Variants in SPACA9 observed in about 807,000 individuals in gnomAD.
SPACA9 encodes the protein sperm acrosome associated 9, also known as sperm acrosome-associated protein 9.
In SPACA9, 14 loss-of-function variants were observed where a neutral mutation model predicts 12.5. That is an observed-to-expected ratio of 1.12 (90% confidence interval 0.74 to 1.75). The LOEUF is 1.75. Among genes scored for constraint, SPACA9 ranks in the 40% most tolerant of loss-of-function variants. The pLI is 0.00. For missense variants in SPACA9, 292 were observed against 291.9 expected (o/e 1.00, Z 0.00); for synonymous variants, 111 against 114.1 (o/e 0.97, Z 0.17).
intron 2 of SPACA9, among the ~76,000 whole-genome samples, chr9:132,884,462 C>T (rs1430994063): frequency 6.6e-6 from 1 of 152,176 alleles, no homozygotes; most frequent in Non-Finnish European, 1.5e-5. Context: ...CCAGAGGGAT[C>T]CTGTCCTTCC....
chr9:132,883,519 C>CGT (rs954555580), intron 1 of SPACA9, among the ~76,000 whole-genome samples: 13 of 151,942 alleles, frequency 8.6e-5, no homozygotes, highest in Non-Finnish European at 1.6e-4. Context: ...TACACGCGTG[C>CGT]GTGTGTGTGT....
chr9:132,878,589 A>T (rs373907926), upstream of SPACA9: 1 of 1,104,680 alleles, frequency 9.1e-7, no homozygotes. The surrounding 1 kb of genome is among the most constrained non-coding windows in gnomAD (Gnocchi z 4.7). Flanking sequence ...GACGGGAGGC[A>T]GAACCTGCTT....
chr9:132,883,443 C>G (rs1344421329), intron 1 of SPACA9, among the ~76,000 whole-genome samples: 2 of 152,218 alleles, frequency 1.3e-5, no homozygotes, highest in African/African-American at 4.8e-5. Context: ...GGTTTTATAT[C>G]CTGTGGCATA....
intron 1 of SPACA9, among the ~76,000 whole-genome samples, chr9:132,883,612 A>G (rs150075942): frequency 1.3e-3 from 183 of 142,678 alleles, no homozygotes; most frequent in Non-Finnish European, 2.2e-3. Flanking sequence ...CCACATCTGG[A>G]GAAACAGAAC....
In SPACA9 at chr9:132,889,443, G is replaced by C. The variant is rs1048511342; in HGVS notation, c.*832G>C. On this transcript the variant is annotated 3_prime_UTR_variant, in exon 4 of 4. Transcript: ENST00000356311. ...ATTTTTTGAGATGGAGTTTCACTCTGTCTCCCAGGCTGGAGTGCAGTGGCA... is the reference window on the plus strand; with the variant it reads ...ATTTTTTGAGATGGAGTTTCACTCTCTCTCCCAGGCTGGAGTGCAGTGGCA... The C allele has an allele frequency of 1.0e-6, 1 of 975,788 alleles. No individual in the cohort carries two copies. The highest frequency in any genetic ancestry group is 1.8e-5 in the African/African-American group (1 of 57,114). The allele number at this position is 975,788 out of a possible 1,614,324, so 60.4% of individuals were successfully genotyped here. A position where few individuals can be genotyped will look rare whatever the true frequency, so the allele number is the denominator to read the frequency against.
chr9:132,890,137 A>G (rs932697269), downstream of SPACA9: 56 of 699,642 alleles, frequency 8.0e-5, no homozygotes, highest in Non-Finnish European at 1.1e-4. Flanking sequence ...CAGCAGAGAG[A>G]GAGGCCACCC....
At position 132,887,692 on chromosome 9, in the gene SPACA9, C is replaced by T; in HGVS notation, c.347+121C>T. On this transcript the variant is annotated intron_variant, in intron 3 of 3. Transcript: ENST00000356311. This position sits in a 1 kb window ranked among gnomAD's most constrained non-coding sequence, Gnocchi z 5.4. ...ATTAGACCACCCCGGGCAGGAAATC[C>T]CAGTCTCCACTCATTTATTGGAATG... 1 of 749,804 alleles carries T rather than the reference C, an allele frequency of 1.3e-6. No individual in the cohort carries two copies. The highest frequency in any genetic ancestry group is 2.2e-6 in the Non-Finnish European group (1 of 447,528). 46.4% of individuals were successfully genotyped at this position (749,804 alleles called of 1,614,324 possible). A position where few individuals can be genotyped will look rare whatever the true frequency, so the allele number is the denominator to read the frequency against.
chr9:132,879,842 T>A (rs1041351032), intron 1 of SPACA9, among the ~76,000 whole-genome samples: 1 of 152,240 alleles, frequency 6.6e-6, no homozygotes, highest in African/African-American at 2.4e-5. Context: ...CTAGGGCCAC[T>A]GGTTAGATTG....
At position 132,884,147 on chromosome 9, in the gene SPACA9, C is replaced by T; in HGVS notation, c.144+56C>T. On this transcript the variant is annotated intron_variant, in intron 2 of 3. Transcript: ENST00000356311. The stretch of plus-strand genomic sequence containing the variant: ...GGGCAACAAGCCCAGTCCCCTCTCA[C>T]AAAAGATGAAACCACTGGGGCCCAG... 2.5e-6 allele frequency: 4 copies of T among 1,581,332 alleles called. No individual in the cohort carries two copies. In the Admixed American group the frequency reaches 7.0e-5, roughly 28 times the overall value.
At chr9:132,881,924 C>A (rs1422689576) in intron 1 of SPACA9, among the ~76,000 whole-genome samples, 4 of 152,194 alleles carry the variant, frequency 2.6e-5, no homozygotes, top group African/African-American at 9.6e-5. Context: ...CTGGGTGAGC[C>A]GGACACCACG....
chr9:132,878,426 C>T, upstream of SPACA9: 2 of 1,233,980 alleles, frequency 1.6e-6, no homozygotes, highest in Admixed American at 4.3e-5. The surrounding 1 kb of genome is among the most constrained non-coding windows in gnomAD (Gnocchi z 4.7). Context: ...CTGACGCGCT[C>T]TGCGGCTCGG....
Position 132,888,152 on chromosome 9 carries a change from A to C in SPACA9, c.348-138A>C. On this transcript the variant is annotated intron_variant, in intron 3 of 3. Coordinates refer to ENST00000356311, the MANE Select transcript of SPACA9 (RefSeq NM_001316897.2). This position sits in a 1 kb window ranked among gnomAD's most constrained non-coding sequence, Gnocchi z 5.0. ...CTGGTCTGCCAGAATCTCTGGGGACAGAGCGCCTCAGCGTGCTGTGTGTCC... is the reference window on the plus strand; with the variant it reads ...CTGGTCTGCCAGAATCTCTGGGGACCGAGCGCCTCAGCGTGCTGTGTGTCC... The C allele has an allele frequency of 1.4e-6, 2 of 1,384,770 alleles. No individual in the cohort carries two copies. The highest frequency in any genetic ancestry group is 2.9e-5 in the South Asian group (2 of 68,042). The allele number at this position is 1,384,770 out of a possible 1,614,324, so 85.8% of individuals were successfully genotyped here. A position where few individuals can be genotyped will look rare whatever the true frequency, so the allele number is the denominator to read the frequency against.
Position 132,889,022 on chromosome 9 carries a change from G to A in SPACA9, c.*411G>A, listed in dbSNP as rs903505018. 34 of 913,100 alleles carry A rather than the reference G, an allele frequency of 3.7e-5. No homozygotes were observed. Among genetic ancestry groups the A allele is most frequent in the South Asian group, 1.9e-4 (4 of 21,618 alleles). The allele number at this position is 913,100 out of a possible 1,614,324, so 56.6% of individuals were successfully genotyped here. On this transcript the variant is annotated 3_prime_UTR_variant, in exon 4 of 4. Transcript: ENST00000356311. The stretch of plus-strand genomic sequence containing the variant: ...GACCTCATGATCTACCCTCGTGATC[G>A]GCCTCCCAAAGTGCTGGGATTACAG...
At position 132,887,138 on chromosome 9, in the gene SPACA9, T is replaced by TGTCC. The variant is rs766119239; in HGVS notation, c.145-231_145-230insGTCC. 3.4e-5 allele frequency among the ~76,000 whole-genome samples: 5 copies of TGTCC among 149,228 alleles called. No homozygotes were observed. Among genetic ancestry groups the TGTCC allele is most frequent in the South Asian group, 2.2e-4 (1 of 4,586 alleles). The stretch of plus-strand genomic sequence containing the variant: ...CGATCCATTAATTTCATATCATATC[T>TGTCC]ATCCATCCATCCATCCATCCATCCA... On this transcript the variant is annotated intron_variant, in intron 2 of 3. Transcript: ENST00000356311. This position sits in a 1 kb window ranked among gnomAD's most constrained non-coding sequence, Gnocchi z 5.4.
chr9:132,884,163 TG>T, intron 2 of SPACA9, 72 bp downstream of exon 2: 1 of 1,542,722 alleles, frequency 6.5e-7, no homozygotes, highest in Non-Finnish European at 8.9e-7. Context: ...ATGAAACCAC[TG>T]GGGCCCAGAG....
chr9:132,883,889 A>G (rs1844491587), intron 1 of SPACA9, 22 bp from the exon 2 acceptor site: 1 of 1,584,916 alleles, frequency 6.3e-7, no homozygotes, highest in African/African-American at 1.3e-5. Flanking sequence ...GGACCTCATC[A>G]CTATCCTCTG....
chr9:132,886,279 G>A (rs1231283012), intron 2 of SPACA9, among the ~76,000 whole-genome samples: 1 of 152,192 alleles, frequency 6.6e-6, no homozygotes, highest in Non-Finnish European at 1.5e-5. Context: ...CAGACCTCCG[G>A]CTCTGGCCCA....
chr9:132,884,328 C>G (rs1844508648), intron 2 of SPACA9, among the ~76,000 whole-genome samples: 1 of 152,228 alleles, frequency 6.6e-6, no homozygotes, highest in African/African-American at 2.4e-5. Context: ...GGCTTAAGTC[C>G]TAGCTCTACC....
chr9:132,884,191 C>T, intron 2 of SPACA9, 100 bp downstream of exon 2: 14 of 1,346,366 alleles, frequency 1.0e-5, no homozygotes, highest in South Asian at 4.0e-5. Flanking sequence ...AGGACGTTTG[C>T]GCCAGAATTA....
Sources: gnomAD v4.1 joint callset for allele counts (sites outside exome capture counted in the v4.1 genomes callset) on GRCh38, gnomAD v4.1.1 for gene constraint, Gnocchi (gnomAD v3.1) non-coding constraint, MANE v1.5 for transcripts, NCBI Gene and HGNC (gene_info 2026-07-23, HGNC 2026-07-21) for gene names.